Variants in MGST1 observed in about 807,000 individuals in gnomAD.
MGST1 encodes the protein glutathione S-transferase 12.
In MGST1, 5 loss-of-function variants were observed where a neutral mutation model predicts 8.9. The ratio of observed to expected loss-of-function variants is 0.56; its 90% CI spans 0.29 to 1.19. The LOEUF is 1.19. Among genes scored for constraint, MGST1 ranks in the 50% most tolerant of loss-of-function variants. The pLI is 0.08. For synonymous variants in MGST1, 54 were observed against 67.8 expected, an observed-to-expected ratio of 0.80 and a Z score of 1.00; for missense variants, 182 against 187.4, an observed-to-expected ratio of 0.97 and a Z score of 0.17.
intron 4 of MGST1, among the ~76,000 whole-genome samples, chr12:16,564,300 G>A (rs1942513194): frequency 6.6e-6 from 1 of 152,166 alleles, no homozygotes; most frequent in African/African-American, 2.4e-5. Context: ...TGTATGGGTG[G>A]CATTGCAAGA....
At chr12:16,463,413 C>T (rs1398451159) in intron 4 of MGST1, among the ~76,000 whole-genome samples, 2 of 120,836 alleles carry the variant, frequency 1.7e-5, no homozygotes, top group Admixed American at 1.1e-4. Flanking sequence ...GAAGAACATT[C>T]GCTGTGAGGT....
intron 1 of MGST1, among the ~76,000 whole-genome samples, chr12:16,405,460 G>A (rs1023593373): frequency 1.3e-5 from 2 of 151,946 alleles, no homozygotes; most frequent in Non-Finnish European, 2.9e-5. Flanking sequence ...GGACTAGAAG[G>A]ATTCATAGCT....
chr12:16,378,195 T>G (rs1408360797), downstream of MGST1, among the ~76,000 whole-genome samples: 71 of 152,106 alleles, frequency 4.7e-4, no homozygotes, highest in South Asian at 0.012. Context: ...CATTGCTTTT[T>G]GTGTTTTAGA....
intron 4 of MGST1, among the ~76,000 whole-genome samples, chr12:16,460,945 A>G (rs917955734): frequency 2.0e-5 from 3 of 152,106 alleles, no homozygotes; most frequent in African/African-American, 7.2e-5. Context: ...ATACGGTATT[A>G]GTAATTATGT....
At chr12:16,573,098 G>C (rs1214535824) in intron 4 of MGST1, among the ~76,000 whole-genome samples, 1 of 150,802 alleles carries the variant, frequency 6.6e-6, no homozygotes, top group Non-Finnish European at 1.5e-5. Flanking sequence ...TTTTTCCTAT[G>C]AAAGTTAGGA....
chr12:16,391,627 T>C (rs752941124), intron 1 of MGST1, among the ~76,000 whole-genome samples: 15 of 152,218 alleles, frequency 9.9e-5, no homozygotes, highest in Non-Finnish European at 1.8e-4. Flanking sequence ...AAGTTACTTA[T>C]AGATGCTGGA....
intron 4 of MGST1, among the ~76,000 whole-genome samples, chr12:16,470,436 G>C (rs924968680): frequency 6.6e-5 from 10 of 152,192 alleles, no homozygotes; most frequent in Non-Finnish European, 1.3e-4. Flanking sequence ...ACCACACTGA[G>C]CCTTTGAAGA....
chr12:16,504,844 A>G (rs1941527183), intron 4 of MGST1, among the ~76,000 whole-genome samples: 1 of 152,204 alleles, frequency 6.6e-6, no homozygotes, highest in South Asian at 2.1e-4. Flanking sequence ...CCTAATCCTC[A>G]GACAACCCAT....
Position 16,586,436 on chromosome 12 carries a change from C to G in MGST1, n.483-3092C>G, listed in dbSNP as rs1299925185. On this transcript the variant is annotated intron_variant and non_coding_transcript_variant, in intron 4 of 4. Coordinates refer to the MGST1 transcript ENST00000538857. The surrounding 1 kb of genome is among the most constrained non-coding windows in gnomAD (Gnocchi z 4.3). ...AAGGCTTTCTGGTTCTCCTCCAACA[C>G]ACAGCTGAGTCACAGAGGCCCTGGA... is the stretch of plus-strand genomic sequence containing the variant. Among the ~76,000 whole-genome samples, 1 of 152,190 alleles carries G rather than the reference C, an allele frequency of 6.6e-6. No individual in the cohort carries two copies. The highest frequency in any genetic ancestry group is 1.5e-5 in the Non-Finnish European group (1 of 68,038).
intron 1 of MGST1, among the ~76,000 whole-genome samples, chr12:16,397,667 C>G (rs958348988): frequency 1.3e-5 from 2 of 151,224 alleles, no homozygotes; most frequent in African/African-American, 4.9e-5. Context: ...GAATGGCCAA[C>G]AAACATCTGA....
downstream of MGST1, among the ~76,000 whole-genome samples, chr12:16,379,840 G>A (rs1436327441): frequency 1.3e-5 from 2 of 152,104 alleles, no homozygotes; most frequent in Non-Finnish European, 2.9e-5. Context: ...TTATTGGTCT[G>A]TTCAGAGATT....
At chr12:16,529,411 C>T (rs1941708870) in intron 4 of MGST1, among the ~76,000 whole-genome samples, 1 of 152,066 alleles carries the variant, frequency 6.6e-6, no homozygotes, top group African/African-American at 2.4e-5. Context: ...GAAAATGTTA[C>T]ATTTCAACAA....
chr12:16,538,608 C>CTTT (rs35801123), intron 4 of MGST1, among the ~76,000 whole-genome samples: 3 of 128,236 alleles, frequency 2.3e-5, no homozygotes, highest in African/African-American at 3.1e-5. Flanking sequence ...AAAGGCACTT[C>CTTT]TTTTTTTTTT....
chr12:16,448,140 T>C (rs77674987), intron 4 of MGST1, among the ~76,000 whole-genome samples: 5,120 of 151,818 alleles, frequency 0.034, 224 homozygotes, highest in African/African-American at 0.1. Flanking sequence ...AAGAGCAATA[T>C]TGAAAGGACA....
intron 1 of MGST1, among the ~76,000 whole-genome samples, chr12:16,412,616 T>G (rs1940751723): frequency 6.6e-6 from 1 of 152,196 alleles, no homozygotes; most frequent in African/African-American, 2.4e-5. Flanking sequence ...GGGAGGTAAT[T>G]AAATCATGCG....
rs995075314 is a variant in MGST1, at chr12:16,560,705, T to C, written n.483-28823T>C. ...TATGCATAAATATTCTTCTGCAATA[T>C]ATTCTCCGTTGACCTTCCTTGATGA... On this transcript the variant is annotated intron_variant and non_coding_transcript_variant, in intron 4 of 4. Coordinates refer to the MGST1 transcript ENST00000538857. The surrounding 1 kb of genome is among the most constrained non-coding windows in gnomAD (Gnocchi z 5.0). The C allele has an allele frequency of 1.2e-5, 8 of 650,728 alleles. No homozygotes were observed. The African/African-American group carries it at 1.5e-4, about 12-fold the overall frequency. The allele number at this position is 650,728 out of a possible 1,614,324, so 40.3% of individuals were successfully genotyped here.
chr12:16,575,429 A>G (rs1371045279), intron 4 of MGST1, among the ~76,000 whole-genome samples: 4 of 152,240 alleles, frequency 2.6e-5, no homozygotes, highest in Non-Finnish European at 5.9e-5. Context: ...TTAAAGAAAC[A>G]TCTGAAATCA....
At chr12:16,429,792 C>G (rs1940922846) in intron 1 of MGST1, among the ~76,000 whole-genome samples, 1 of 152,082 alleles carries the variant, frequency 6.6e-6, no homozygotes, top group African/African-American at 2.4e-5. Context: ...GGTTTTACTT[C>G]AATGTTGATG....
chr12:16,573,171 T>C (rs1411486328), intron 4 of MGST1, among the ~76,000 whole-genome samples: 3 of 152,082 alleles, frequency 2.0e-5, no homozygotes, highest in Non-Finnish European at 4.4e-5. Context: ...CCAATGTCTA[T>C]TCATAAGTGC....
Sources: allele counts gnomAD v4.1 joint callset (sites outside exome capture counted in the v4.1 genomes callset), GRCh38; gene constraint gnomAD v4.1.1; non-coding constraint Gnocchi (gnomAD v3.1); transcripts MANE v1.5; gene names NCBI Gene and HGNC (gene_info 2026-07-23, HGNC 2026-07-21).